DNAH6: variants seen among roughly 807,000 people sequenced by gnomAD.
The protein encoded by DNAH6 is dynein axonemal heavy chain 6.
In DNAH6, 340 loss-of-function variants were observed where a neutral mutation model predicts 491.4. That is an observed-to-expected ratio of 0.69 (90% confidence interval 0.63 to 0.76). DNAH6 has a LOEUF of 0.76. Ranked by LOEUF, DNAH6 falls within the 30% of genes least tolerant of loss-of-function variation. DNAH6 has a pLI of 0.00. For missense variants in DNAH6, 4,443 were observed against 4,972.2 expected (o/e 0.89, Z 3.20); for synonymous variants, 1,603 against 1,686.1 (o/e 0.95, Z 1.21).
intron 2 of DNAH6, among the ~76,000 whole-genome samples, chr2:84,518,910 A>G (rs1174627932): frequency 1.3e-5 from 2 of 152,158 alleles, no homozygotes; most frequent in African/African-American, 4.8e-5. Context: ...AGCCAAACGC[A>G]TGGGCTCATG....
At chr2:84,757,558 A>G (rs1226045995) in intron 63 of DNAH6, among the ~76,000 whole-genome samples, 1 of 152,248 alleles carries the variant, frequency 6.6e-6, no homozygotes, top group East Asian at 1.9e-4. Flanking sequence ...TTTCAACATC[A>G]GGAAGCAGGC....
intron 32 of DNAH6, among the ~76,000 whole-genome samples, chr2:84,641,014 C>T (rs1015708496): frequency 2.6e-5 from 4 of 152,204 alleles, no homozygotes; most frequent in African/African-American, 9.6e-5. Flanking sequence ...AATTCCAATT[C>T]AGTTCAGCTT....
chr2:84,549,950 G>C lies in DNAH6; in HGVS notation c.1378G>C (p.Val460Leu). 6.2e-7 allele frequency: 1 copy of C among 1,613,920 alleles called. No individual in the cohort carries two copies. Among genetic ancestry groups the C allele is most frequent in the Non-Finnish European group, 8.5e-7 (1 of 1,179,876 alleles). ...NTMHILTVNA[V>L]NSLLNHLTDK... Reference sequence around the variant, plus strand: ...AATGCACATCTTAACGGTAAATGCTGTTAATTCGCTTTTGAACCATCTCAC... The same window carrying C: ...AATGCACATCTTAACGGTAAATGCTCTTAATTCGCTTTTGAACCATCTCAC... The change falls in exon 9 of 77, where the codon GTT becomes CTT. Residue 460 changes from valine to leucine, a missense_variant. By Grantham distance (32) the Val-to-Leu change is conservative. Coordinates refer to ENST00000389394, the MANE Select transcript of DNAH6 (RefSeq NM_001370.2).
At chr2:84,664,943 C>T (rs1474313614) in intron 37 of DNAH6, among the ~76,000 whole-genome samples, 1 of 152,180 alleles carries the variant, frequency 6.6e-6, no homozygotes, top group Non-Finnish European at 1.5e-5. Context: ...GATTAAGAAA[C>T]TCACTCAAGA....
chr2:84,684,655 G>A (rs1220272674), intron 42 of DNAH6, among the ~76,000 whole-genome samples: 1 of 152,214 alleles, frequency 6.6e-6, no homozygotes, highest in East Asian at 1.9e-4. Context: ...CCCACTCTCT[G>A]CTGTGTGTGC....
At chr2:84,549,796 T>C in intron 8 of DNAH6, 93 bp from the exon 9 acceptor site, 1 of 837,496 alleles carries the variant, frequency 1.2e-6, no homozygotes, top group Non-Finnish European at 1.8e-6. Flanking sequence ...AATTATGATA[T>C]TTTACATTTT....
At chr2:84,793,479 GTATGTT>G (rs1268549860) in intron 68 of DNAH6, among the ~76,000 whole-genome samples, 3,735 of 152,246 alleles carry the variant, frequency 0.025, 126 homozygotes, top group African/African-American at 0.081. Flanking sequence ...TTAGAATAAT[GTATGTT>G]AGGACACCCT....
chr2:84,481,994 C>T, the DNAH6 span, among the ~76,000 whole-genome samples: 1 of 152,180 alleles, frequency 6.6e-6, no homozygotes, highest in Admixed American at 6.5e-5. Context: ...AGTCACACCC[C>T]GTGATGCTAG....
the DNAH6 span, among the ~76,000 whole-genome samples, chr2:84,503,732 T>C: frequency 1.3e-5 from 2 of 152,014 alleles, no homozygotes; most frequent in Non-Finnish European, 2.9e-5. Flanking sequence ...CACTCTCTCC[T>C]GGCCTGTAAG....
rs1406718471 is a variant in DNAH6, at chr2:84,677,216, CT to C, written c.6744+82del. ...AAGGCTCCCACAATCAAAGTGGTGT[CT>C]TGTGTTTCTAAGGAGTCCATCTATC... On this transcript the variant is annotated intron_variant, in intron 41 of 76. Transcript: ENST00000389394. The C allele has an allele frequency of 1.6e-5, 25 of 1,524,356 alleles. No individual in the cohort carries two copies. The Middle Eastern group carries it at 5.1e-4, about 31-fold the overall frequency. 94.4% of individuals were successfully genotyped at this position (1,524,356 alleles called of 1,614,324 possible).
intron 11 of DNAH6, among the ~76,000 whole-genome samples, chr2:84,560,460 T>C (rs1407537978): frequency 6.6e-6 from 1 of 151,962 alleles, no homozygotes; most frequent in South Asian, 2.1e-4. Flanking sequence ...TTTTCTTTTT[T>C]TTTTTATTAT....
intron 57 of DNAH6, among the ~76,000 whole-genome samples, chr2:84,715,264 T>C (rs1045597872): frequency 6.6e-6 from 1 of 152,148 alleles, no homozygotes; most frequent in Non-Finnish European, 1.5e-5. Context: ...GAACCCAAGC[T>C]ATCAATTCCA....
the DNAH6 span, among the ~76,000 whole-genome samples, chr2:84,481,275 T>G: frequency 6.6e-6 from 1 of 152,198 alleles, no homozygotes; most frequent in South Asian, 2.1e-4. Flanking sequence ...TACTCTATGA[T>G]TTTAGGCAAA....
At chr2:84,794,237 T>A (rs1013313473) in intron 68 of DNAH6, among the ~76,000 whole-genome samples, 1 of 152,154 alleles carries the variant, frequency 6.6e-6, no homozygotes, top group Non-Finnish European at 1.5e-5. Flanking sequence ...GAAGAAAACC[T>A]AGGCATTACC....
chr2:84,480,533 A>G, the DNAH6 span, among the ~76,000 whole-genome samples: 1 of 152,238 alleles, frequency 6.6e-6, no homozygotes. Context: ...GAAATAATCT[A>G]TGTCAAGCAC....
At chr2:84,495,083 A>T in the DNAH6 span, among the ~76,000 whole-genome samples, 1 of 152,212 alleles carries the variant, frequency 6.6e-6, no homozygotes, top group African/African-American at 2.4e-5. Context: ...AGAGAGTTTA[A>T]TTCATATGAT....
At chr2:84,786,870 T>G (rs1677252593) in intron 67 of DNAH6, among the ~76,000 whole-genome samples, 1 of 152,190 alleles carries the variant, frequency 6.6e-6, no homozygotes, top group African/African-American at 2.4e-5. Context: ...TTTTTCTGCT[T>G]TGATGAGAAA....
At chr2:84,737,651 ATAT>A (rs1699629119) in intron 62 of DNAH6, among the ~76,000 whole-genome samples, 1 of 151,476 alleles carries the variant, frequency 6.6e-6, no homozygotes, top group Non-Finnish European at 1.5e-5. Flanking sequence ...AGGATCCTTT[ATAT>A]TTCGGGGGGA....
intron 29 of DNAH6, among the ~76,000 whole-genome samples, chr2:84,632,565 A>G (rs1309523102): frequency 6.6e-6 from 1 of 152,200 alleles, no homozygotes; most frequent in Non-Finnish European, 1.5e-5. Context: ...TCCCTTGGGA[A>G]GTCTCCACGT....
Sources: allele counts gnomAD v4.1 joint callset (sites outside exome capture counted in the v4.1 genomes callset), GRCh38; gene constraint gnomAD v4.1.1; transcripts MANE v1.5; gene names NCBI Gene and HGNC (gene_info 2026-07-23, HGNC 2026-07-21).